Variants in GRM5 observed in about 807,000 individuals in gnomAD.
GRM5 encodes glutamate metabotropic receptor 5, also known as metabotropic glutamate receptor 5.
A neutral mutation model predicts 83.1 loss-of-function variants in GRM5; 19 were observed. The observed-to-expected ratio is 0.23, with a 90% CI of 0.16 to 0.34. The LOEUF (loss-of-function observed/expected upper bound fraction) is 0.34, where lower values mean the gene tolerates loss of function less well. GRM5 is among the 10% of genes least tolerant of loss of function. The pLI, the probability that GRM5 is intolerant of heterozygous loss-of-function variation, is 1.00. For missense variants in GRM5, 1,160 were observed against 1,588.3 expected, an observed-to-expected ratio of 0.73 and a Z score of 4.58; for synonymous variants, 675 against 633.6, an observed-to-expected ratio of 1.07 and a Z score of -0.98.
At chr11:88,931,518 A>G (rs1590974193) in intron 2 of GRM5, among the ~76,000 whole-genome samples, 2 of 152,162 alleles carry the variant, frequency 1.3e-5, no homozygotes, top group Admixed American at 1.3e-4. Context: ...GGTCCCATTG[A>G]TAAGTACAAT....
chr11:88,538,937 A>G (rs985609581), intron 8 of GRM5, among the ~76,000 whole-genome samples: 6 of 152,228 alleles, frequency 3.9e-5, no homozygotes, highest in African/African-American at 1.4e-4. Context: ...CTGTCTTTAA[A>G]TGGCCTAAGG....
At chr11:88,783,470 A>G (rs937967483) in intron 3 of GRM5, among the ~76,000 whole-genome samples, 1 of 152,144 alleles carries the variant, frequency 6.6e-6, no homozygotes, top group African/African-American at 2.4e-5. Context: ...TAATGCAGGT[A>G]GGTAGGTGTG....
chr11:88,992,714 G>T (rs1940022639), intron 2 of GRM5, among the ~76,000 whole-genome samples: 1 of 151,936 alleles, frequency 6.6e-6, no homozygotes, highest in Non-Finnish European at 1.5e-5. Flanking sequence ...CATGTCCTTT[G>T]TAGGGACATG....
At chr11:88,629,951 A>G (rs1938916677) in intron 4 of GRM5, among the ~76,000 whole-genome samples, 1 of 152,038 alleles carries the variant, frequency 6.6e-6, no homozygotes, top group African/African-American at 2.4e-5. Flanking sequence ...ATTATCTTCT[A>G]CTTGTTTCCC....
At chr11:88,969,095 A>G (rs1939083920) in intron 2 of GRM5, among the ~76,000 whole-genome samples, 1 of 152,126 alleles carries the variant, frequency 6.6e-6, no homozygotes, top group Non-Finnish European at 1.5e-5. Flanking sequence ...GAATGGAAGT[A>G]ATGAACAACA....
At chr11:88,589,520 T>C (rs568272588) in intron 7 of GRM5, among the ~76,000 whole-genome samples, 1 of 152,298 alleles carries the variant, frequency 6.6e-6, no homozygotes, top group East Asian at 1.9e-4. Flanking sequence ...ACCAGACTTT[T>C]TAAATAAGTG....
chr11:88,998,595 T>A (rs12270212), intron 2 of GRM5, among the ~76,000 whole-genome samples: 17,206 of 152,044 alleles, frequency 0.11, 3,149 homozygotes, highest in African/African-American at 0.38. Context: ...ACAGGCAATA[T>A]AAGTAAATAA....
At chr11:88,610,042 T>C (rs1056568671) in intron 4 of GRM5, among the ~76,000 whole-genome samples, 2 of 152,216 alleles carry the variant, frequency 1.3e-5, no homozygotes, top group Non-Finnish European at 2.9e-5. Flanking sequence ...CAGTTGAGTG[T>C]AAATGTGTGG....
intron 2 of GRM5, among the ~76,000 whole-genome samples, chr11:89,024,666 A>G (rs976466874): frequency 2.0e-5 from 3 of 152,188 alleles, no homozygotes; most frequent in Non-Finnish European, 4.4e-5. Flanking sequence ...AAATATCGGG[A>G]AAACAAATAT....
At chr11:88,586,829 C>T (rs896911563) in intron 7 of GRM5, among the ~76,000 whole-genome samples, 1 of 152,194 alleles carries the variant, frequency 6.6e-6, no homozygotes, top group Non-Finnish European at 1.5e-5. Context: ...CACACACTCA[C>T]ATGTATGCAC....
chr11:89,045,240 G>A (rs1287061594), intron 2 of GRM5, among the ~76,000 whole-genome samples: 2 of 151,968 alleles, frequency 1.3e-5, no homozygotes, highest in Non-Finnish European at 2.9e-5. Context: ...TCATGTAATT[G>A]TTATATTTCA....
At chr11:88,821,651 T>C (rs1436543073) in intron 3 of GRM5, among the ~76,000 whole-genome samples, 1 of 152,184 alleles carries the variant, frequency 6.6e-6, no homozygotes, top group Non-Finnish European at 1.5e-5. Flanking sequence ...CCTGGAGTGA[T>C]CCTTTCGATA....
At chr11:88,933,648 A>T (rs1937793490) in intron 2 of GRM5, among the ~76,000 whole-genome samples, 1 of 151,784 alleles carries the variant, frequency 6.6e-6, no homozygotes, top group South Asian at 2.1e-4. Context: ...AACACCACAC[A>T]ATTGCATAAG....
intron 3 of GRM5, among the ~76,000 whole-genome samples, chr11:88,739,532 C>T (rs1201059882): frequency 6.6e-6 from 1 of 151,918 alleles, no homozygotes; most frequent in African/African-American, 2.4e-5. Flanking sequence ...GGCTTTGTGT[C>T]CCTACCAAAA....
At chr11:88,691,740 C>A (rs533657168) in intron 3 of GRM5, among the ~76,000 whole-genome samples, 3 of 152,138 alleles carry the variant, frequency 2.0e-5, no homozygotes, top group Non-Finnish European at 4.4e-5. Flanking sequence ...ATGACTTACA[C>A]GCCCCAAAAC....
chr11:88,706,214 G>A (rs1407545922), intron 3 of GRM5, among the ~76,000 whole-genome samples: 3 of 151,852 alleles, frequency 2.0e-5, no homozygotes, highest in East Asian at 1.9e-4. Context: ...TCAGATCTTC[G>A]AGTACTGATC....
At chr11:88,594,607 AT>A (rs1937749258) in intron 6 of GRM5, among the ~76,000 whole-genome samples, 1 of 152,218 alleles carries the variant, frequency 6.6e-6, no homozygotes, top group Admixed American at 6.5e-5. Context: ...GATATCTAAT[AT>A]TTTGAGCCAT....
At chr11:89,006,859 G>T (rs1292993007) in intron 2 of GRM5, among the ~76,000 whole-genome samples, 1 of 152,084 alleles carries the variant, frequency 6.6e-6, no homozygotes, top group Non-Finnish European at 1.5e-5. Flanking sequence ...GTGCAGTGGC[G>T]CAATCTCGGC....
At chr11:88,562,702 C>T (rs1942785486) in intron 8 of GRM5, among the ~76,000 whole-genome samples, 1 of 152,056 alleles carries the variant, frequency 6.6e-6, no homozygotes, top group Non-Finnish European at 1.5e-5. Context: ...ACCGTGACTA[C>T]TACTAGGTGC....
Sources: allele counts gnomAD v4.1 joint callset (sites outside exome capture counted in the v4.1 genomes callset), GRCh38; gene constraint gnomAD v4.1.1; transcripts MANE v1.5; gene names NCBI Gene and HGNC (gene_info 2026-07-23, HGNC 2026-07-21).